Variants in LCN12 observed in about 807,000 individuals in gnomAD.
The protein encoded by LCN12 is epididymal-specific lipocalin-12.
In LCN12, 15 loss-of-function variants were observed where a neutral mutation model predicts 23.7. The ratio of observed to expected loss-of-function variants is 0.63; its 90% CI spans 0.42 to 0.97. The LOEUF (loss-of-function observed/expected upper bound fraction) is 0.97. LCN12 is among the 50% of genes least tolerant of loss of function. The pLI, the probability that LCN12 is intolerant of heterozygous loss-of-function variation, is 0.00. For missense variants in LCN12, 219 were observed against 249.6 expected, an observed-to-expected ratio of 0.88 and a Z score of 0.83; for synonymous variants, 116 against 111.5, an observed-to-expected ratio of 1.04 and a Z score of -0.25.
chr9:136,953,369 GCCGGGCGCGGTCGCGC>G, intron 2 of LCN12: 2 of 93,964 alleles, frequency 2.1e-5, no homozygotes, highest in South Asian at 1.3e-4. Flanking sequence ...CACTTTGGGG[GCCGGGCGCGGTCGCGC>G]ACACCTGTAA....
In LCN12 at chr9:136,954,473, C is replaced by T. The variant is rs1038900837; in HGVS notation, c.550+218C>T. Reference sequence around the variant, plus strand: ...CCCTGTCCTGGGCCACCTCCTCCCACCCCGGGTCTCCTGTCCCGGGCCACC... The same window carrying T: ...CCCTGTCCTGGGCCACCTCCTCCCATCCCGGGTCTCCTGTCCCGGGCCACC... On this transcript the variant is annotated intron_variant, in intron 5 of 5. Coordinates refer to ENST00000371633, the MANE Select transcript of LCN12 (RefSeq NM_178536.4). The T allele has an allele frequency of 4.6e-6, 3 of 654,056 alleles. No homozygotes were observed. The South Asian group carries it at 4.6e-5, about 10-fold the overall frequency. 40.5% of individuals were successfully genotyped at this position (654,056 alleles called of 1,614,324 possible). A position where few individuals can be genotyped will look rare whatever the true frequency, so the allele number is the denominator to read the frequency against.
downstream of LCN12, chr9:136,955,608 C>T (rs1235051021): frequency 3.7e-6 from 2 of 536,366 alleles, no homozygotes; most frequent in Non-Finnish European, 6.6e-6. Flanking sequence ...CTATGGCCCC[C>T]CAGCCGGCTG....
downstream of LCN12, chr9:136,955,507 TGTGA>T: frequency 8.1e-7 from 1 of 1,238,414 alleles, no homozygotes. Context: ...AGCCCCAGAG[TGTGA>T]CCACTATGAC....
intron 5 of LCN12, 65 bp downstream of exon 5, chr9:136,954,320 T>G: frequency 3.9e-6 from 6 of 1,521,820 alleles, no homozygotes; most frequent in Non-Finnish European, 5.3e-6. Context: ...TGAGTTTGGT[T>G]GACCCTAGAG....
chr9:136,952,778 G>A, intron 1 of LCN12, 114 bp from the exon 2 acceptor site: 3 of 1,277,986 alleles, frequency 2.3e-6, no homozygotes, highest in Non-Finnish European at 3.2e-6. Context: ...GCCCAGCCAG[G>A]AGCACTGCTC....
intron 4 of LCN12, 39 bp from the exon 5 acceptor site, chr9:136,954,115 C>T (rs375121989): frequency 5.7e-5 from 87 of 1,520,264 alleles, no homozygotes; most frequent in African/African-American, 2.6e-4. Flanking sequence ...CAACCCCCTG[C>T]CAAGTGCACA....
At chr9:136,950,067 T>C (rs568539825), upstream of LCN12, among the ~76,000 whole-genome samples, 21 of 151,144 alleles carry the variant, frequency 1.4e-4, no homozygotes, top group Non-Finnish European at 2.4e-4. Flanking sequence ...GCCCGCGTCC[T>C]GCACGGCCCG....
chr9:136,952,423 G>A lies in LCN12; in HGVS notation c.96G>A (p.Gln32=), dbSNP rs762742159. 8.7e-6 allele frequency: 14 copies of A among 1,610,670 alleles called. No homozygotes were observed. The highest frequency in any genetic ancestry group is 1.3e-5 in the African/African-American group (1 of 74,796). Residue 32 remains glutamine (Q), a synonymous_variant, in exon 1 of 6, where the codon CAG becomes CAA. Coordinates refer to ENST00000371633, the MANE Select transcript of LCN12 (RefSeq NM_178536.4). ...PTPLPLPPPM[Q]SFQGNQFQGE... is the part of the protein sequence containing the mutation. ...CCCTGCCACTCCCGCCCCCGATGCAGAGCTTCCAAGGAAACCAGGTACAGG... is the reference window on the plus strand; with the variant it reads ...CCCTGCCACTCCCGCCCCCGATGCAAAGCTTCCAAGGAAACCAGGTACAGG...
At chr9:136,952,122 C>T (rs1851167060), upstream of LCN12, among the ~76,000 whole-genome samples, 1 of 103,444 alleles carries the variant, frequency 9.7e-6, no homozygotes, top group Non-Finnish European at 2.3e-5. Flanking sequence ...CAAGAGACCG[C>T]AGGTGGGTGG....
rs1473396621 is a variant in LCN12 at position 136,952,883 on chromosome 9, C to A, written c.115-9C>A. 2 of 1,610,580 alleles carry A rather than the reference C, an allele frequency of 1.2e-6. No individual in the cohort carries two copies. Among genetic ancestry groups the A allele is most frequent in the African/African-American group, 2.7e-5 (2 of 74,932 alleles). The stretch of plus-strand genomic sequence containing the variant: ...CCACCGCCGCCCCTGCCCACCACCG[C>A]CTCTGTAGTTCCAGGGGGAATGGTT... On this transcript the variant is annotated splice_polypyrimidine_tract_variant and intron_variant, in intron 1 of 5. Coordinates refer to ENST00000371633, the MANE Select transcript of LCN12 (RefSeq NM_178536.4).
At chr9:136,952,769 C>G in intron 1 of LCN12, 123 bp from the exon 2 acceptor site, 1 of 1,208,662 alleles carries the variant, frequency 8.3e-7, no homozygotes, top group Non-Finnish European at 1.1e-6. Flanking sequence ...CTGGCGCCGG[C>G]CCAGCCAGGA....
chr9:136,953,373 GGCGCGGTCGC>G (rs1851217927), intron 2 of LCN12: 4 of 94,442 alleles, frequency 4.2e-5, no homozygotes, highest in South Asian at 1.3e-4. Flanking sequence ...TTGGGGGCCG[GGCGCGGTCGC>G]GCACACCTGT....
intron 1 of LCN12, 147 bp downstream of exon 1, chr9:136,952,588 C>T (rs929442561): frequency 4.6e-6 from 3 of 655,958 alleles, no homozygotes; most frequent in East Asian, 2.7e-5. Flanking sequence ...TGACCTCCAG[C>T]AGAGGAGGGC....
intron 1 of LCN12, 44 bp from the exon 2 acceptor site, chr9:136,952,848 C>T: frequency 6.3e-7 from 1 of 1,589,504 alleles, no homozygotes; most frequent in South Asian, 1.1e-5. Flanking sequence ...CTGCCCACTG[C>T]CACCCCTGCC....
chr9:136,954,709 T>C (rs868703052), intron 5 of LCN12: 1 of 1,291,398 alleles, frequency 7.7e-7, no homozygotes, highest in Non-Finnish European at 1.0e-6. Flanking sequence ...CACAAGGAGC[T>C]TGGACTCATC....
Position 136,954,267 on chromosome 9 carries a change from C to T in LCN12, c.550+12C>T. 3 of 1,558,160 alleles carry T rather than the reference C, an allele frequency of 1.9e-6. No homozygotes were observed. The highest frequency in any genetic ancestry group is 2.6e-6 in the Non-Finnish European group (3 of 1,150,604). The stretch of plus-strand genomic sequence containing the variant: ...CCCAGATGTGACTGGTAACATGGTT[C>T]ACCTGCAGGCATGCTGGGCAGTAGG... On this transcript the variant is annotated intron_variant, in intron 5 of 5. Transcript: ENST00000371633.
At chr9:136,952,263 T>A (rs1851171461), upstream of LCN12, 2 of 1,155,142 alleles carry the variant, frequency 1.7e-6, no homozygotes, top group Non-Finnish European at 2.6e-6. Flanking sequence ...AAGAGGTGGG[T>A]CTCTGGGTCA....
rs1588476572 is a variant in LCN12, at chr9:136,954,622, A to G, written c.550+367A>G. 2 of 805,608 alleles carry G rather than the reference A, an allele frequency of 2.5e-6. 1 individual carries two copies. Among genetic ancestry groups the G allele is most frequent in the Non-Finnish European group, 3.4e-6 (2 of 589,870 alleles). The allele number at this position is 805,608 out of a possible 1,614,324, so 49.9% of individuals were successfully genotyped here. ...GTCCTGGGCTACCTCCTCCCACCCC[A>G]GGTCCCCTGTCCCGGGCCATCTCCT... On this transcript the variant is annotated intron_variant, in intron 5 of 5. Transcript: ENST00000371633.
intron 5 of LCN12, chr9:136,954,664 T>C (rs1851278564): frequency 8.1e-6 from 10 of 1,239,618 alleles, no homozygotes; most frequent in Non-Finnish European, 1.1e-5. Flanking sequence ...GGGTCCCCTG[T>C]CCTGGGCCAC....
Sources: gnomAD v4.1 joint callset for allele counts (sites outside exome capture counted in the v4.1 genomes callset) on GRCh38, gnomAD v4.1.1 for gene constraint, MANE v1.5 for transcripts, NCBI Gene and HGNC (gene_info 2026-07-23, HGNC 2026-07-21) for gene names.